The following UNC13B variants were observed in gnomAD, a reference collection of about 807,000 sequenced individuals.
UNC13B encodes unc-13 homolog B.
In UNC13B, 144 loss-of-function variants were observed where a neutral mutation model predicts 211.0. The observed-to-expected ratio is 0.68, with a 90% CI of 0.60 to 0.78. The LOEUF is 0.78. Ranked by LOEUF, UNC13B falls within the 30% of genes least tolerant of loss-of-function variation. UNC13B has a pLI of 0.00. For missense variants in UNC13B, 1,777 were observed against 2,002.0 expected (o/e 0.89, Z 2.14); for synonymous variants, 709 against 725.8 (o/e 0.98, Z 0.37).
chr9:35,190,549 TC>T (rs370371555), intron 1 of UNC13B, among the ~76,000 whole-genome samples: 298 of 151,758 alleles, frequency 2.0e-3, no homozygotes, highest in African/African-American at 6.9e-3. Flanking sequence ...TTTTTTTTCT[TC>T]CCCCCCTCCC....
chr9:35,236,410 T>C, intron 3 of UNC13B, 59 bp from the exon 4 acceptor site: 1 of 1,326,474 alleles, frequency 7.5e-7, no homozygotes, highest in East Asian at 2.3e-5. Flanking sequence ...AAACAGGAGA[T>C]GTAGTTGTTT....
intron 11 of UNC13B, chr9:35,352,259 C>A: frequency 6.5e-6 from 8 of 1,232,162 alleles, no homozygotes; most frequent in Non-Finnish European, 8.1e-6. Context: ...TCTAGCCAAG[C>A]ACCTTTGTGT....
intron 3 of UNC13B, among the ~76,000 whole-genome samples, chr9:35,233,398 C>T (rs545108694): frequency 2.0e-5 from 3 of 152,200 alleles, no homozygotes; most frequent in Admixed American, 6.5e-5. Flanking sequence ...GTCTCTCCCA[C>T]GTTGAGATGC....
In UNC13B at chr9:35,225,004, C is replaced by A. The variant is rs999804171; in HGVS notation, c.23-3011C>A. On this transcript the variant is annotated intron_variant, in intron 1 of 39. Coordinates refer to ENST00000635942, the MANE Select transcript of UNC13B (RefSeq NM_001371189.2). ...CATCCCTTCATCATAAAAAAAAAAA[C>A]TCTCAAAAAATTACACATTAAAGGA... Among the ~76,000 whole-genome samples the A allele has an allele frequency of 8.5e-4, 129 of 151,108 alleles. 1 individual carries two copies. The highest frequency in any genetic ancestry group is 2.9e-3 in the African/African-American group (121 of 41,164).
At chr9:35,184,760 G>GAAA (rs1240894439) in intron 1 of UNC13B, among the ~76,000 whole-genome samples, 3 of 48,170 alleles carry the variant, frequency 6.2e-5, no homozygotes, top group African/African-American at 2.8e-4. Context: ...AAGAAAGAAA[G>GAAA]GAAGGAAGGA....
intron 7 of UNC13B, among the ~76,000 whole-genome samples, chr9:35,287,862 T>C (rs1270430591): frequency 6.6e-6 from 1 of 152,104 alleles, no homozygotes; most frequent in Non-Finnish European, 1.5e-5. Flanking sequence ...CTACTGGCCA[T>C]GTTCATTTGA....
chr9:35,268,003 T>C (rs1200981749), intron 7 of UNC13B, among the ~76,000 whole-genome samples: 1 of 152,118 alleles, frequency 6.6e-6, no homozygotes, highest in Non-Finnish European at 1.5e-5. Context: ...CTCTTCTCTG[T>C]CTCCCAGCTC....
At position 35,380,590 on chromosome 9, in the gene UNC13B, C is replaced by A. The variant is rs1350276599; in HGVS notation, c.10326C>A (p.Ile3442=). 2 of 1,614,212 alleles carry A rather than the reference C, an allele frequency of 1.2e-6. No individual in the cohort carries two copies. The highest frequency in any genetic ancestry group is 1.7e-6 in the Non-Finnish European group (2 of 1,180,032). The stretch of plus-strand genomic sequence containing the variant: ...CTGATGATTTCCTTGGCCAAACCAT[C>A]ATTGAGGTTCGGACCCTAAGTGGCG... ...RESDDFLGQT[I]IEVRTLSGEM... The change falls in exon 18 of 40, where the codon ATC becomes ATA. Residue 3442 remains isoleucine, a synonymous_variant. Transcript: ENST00000635942.
intron 1 of UNC13B, among the ~76,000 whole-genome samples, chr9:35,185,502 G>T (rs1410895690): frequency 6.6e-6 from 1 of 152,188 alleles, no homozygotes; most frequent in African/African-American, 2.4e-5. Context: ...CATCCAAAGA[G>T]AATCCCCCTG....
chr9:35,240,606 T>C (rs943201678), intron 5 of UNC13B, among the ~76,000 whole-genome samples: 7 of 152,162 alleles, frequency 4.6e-5, no homozygotes, highest in African/African-American at 1.7e-4. Context: ...AAATGTTTTT[T>C]CTTTTGCTGT....
intron 5 of UNC13B, among the ~76,000 whole-genome samples, chr9:35,239,166 T>C (rs956150866): frequency 6.6e-6 from 1 of 152,170 alleles, no homozygotes; most frequent in Admixed American, 6.5e-5. Context: ...AATCTTTATT[T>C]GATTATTTTG....
intron 1 of UNC13B, among the ~76,000 whole-genome samples, chr9:35,180,450 A>G (rs1317692654): frequency 1.3e-5 from 2 of 152,174 alleles, no homozygotes; most frequent in Non-Finnish European, 2.9e-5. Flanking sequence ...TTATTATTCT[A>G]TCCATACCAT....
At chr9:35,396,011 A>G (rs1835847533) in intron 26 of UNC13B, among the ~76,000 whole-genome samples, 1 of 152,090 alleles carries the variant, frequency 6.6e-6, no homozygotes, top group Non-Finnish European at 1.5e-5. Context: ...TGTAGTTGTC[A>G]CTGACCCATT....
intron 39 of UNC13B, 36 bp downstream of exon 39, chr9:35,403,635 G>A (rs774647705): frequency 1.9e-6 from 3 of 1,591,858 alleles, no homozygotes; most frequent in African/African-American, 1.4e-5. Context: ...ACTCTGGGAT[G>A]GGGGTAAGAC....
At position 35,377,571 on chromosome 9, in the gene UNC13B, G is replaced by T. The variant is rs1289821689; in HGVS notation, c.9939G>T (p.Glu3313Asp). 1 of 1,614,144 alleles carries T rather than the reference G, an allele frequency of 6.2e-7. No homozygotes were observed. Among genetic ancestry groups the T allele is most frequent in the Non-Finnish European group, 8.5e-7 (1 of 1,180,058 alleles). ...AGATCCGAGAGCGAAATAAGCCAGA[G>T]ATCTTTGAAGTTATCCGGGACGTCT... ...RMKIRERNKP[E>D]IFEVIRDVFT... is the part of the protein sequence containing the mutation. The change falls in exon 16 of 40, where the codon GAG becomes GAT. Residue 3313 changes from glutamate (E) to aspartate (D), a missense_variant. By Grantham distance (45) the Glu-to-Asp change is conservative (BLOSUM62 2). Coordinates refer to ENST00000635942, the MANE Select transcript of UNC13B (RefSeq NM_001371189.2).
At chr9:35,336,174 G>A (rs919742869) in intron 11 of UNC13B, among the ~76,000 whole-genome samples, 1 of 152,068 alleles carries the variant, frequency 6.6e-6, no homozygotes, top group African/African-American at 2.4e-5. Flanking sequence ...TCTTTCATGA[G>A]TTCCAGACTT....
At chr9:35,166,694 A>G (rs983345311) in intron 1 of UNC13B, among the ~76,000 whole-genome samples, 3 of 152,180 alleles carry the variant, frequency 2.0e-5, no homozygotes, top group Non-Finnish European at 4.4e-5. Flanking sequence ...TTATAAGGTG[A>G]TAAATATACA....
At chr9:35,212,648 A>C (rs1824034502) in intron 1 of UNC13B, among the ~76,000 whole-genome samples, 1 of 152,232 alleles carries the variant, frequency 6.6e-6, no homozygotes, top group African/African-American at 2.4e-5. Context: ...AAACTACATG[A>C]CCTCAAACCC....
intron 26 of UNC13B, among the ~76,000 whole-genome samples, chr9:35,391,085 T>C (rs1835502802): frequency 6.6e-6 from 1 of 152,184 alleles, no homozygotes; most frequent in African/African-American, 2.4e-5. Flanking sequence ...AATACACAGA[T>C]AGATGTAATT....
Sources: allele counts gnomAD v4.1 joint callset (sites outside exome capture counted in the v4.1 genomes callset), GRCh38; gene constraint gnomAD v4.1.1; transcripts MANE v1.5; gene names NCBI Gene and HGNC (gene_info 2026-07-23, HGNC 2026-07-21).